UBAC2: variants seen among roughly 807,000 people sequenced by gnomAD.
UBAC2 encodes the protein UBA domain containing 2.
UBAC2 carries 26 observed loss-of-function variants against 44.0 expected under a neutral mutation model. The observed-to-expected ratio is 0.59, with a 90% CI of 0.43 to 0.82. The LOEUF (loss-of-function observed/expected upper bound fraction) is 0.82. Among genes scored for constraint, UBAC2 ranks in the 40% least tolerant of loss-of-function variants. The pLI is 0.00. For synonymous variants in UBAC2, 155 were observed against 154.3 expected, an observed-to-expected ratio of 1.00 and a Z score of -0.04; for missense variants, 329 against 419.4, an observed-to-expected ratio of 0.78 and a Z score of 1.88.
chr13:99,360,893 G>A (rs187487062), intron 7 of UBAC2, among the ~76,000 whole-genome samples: 29 of 152,224 alleles, frequency 1.9e-4, no homozygotes, highest in Non-Finnish European at 1.5e-5. Context: ...CGCTCTTCGG[G>A]AGCAAGGATG....
At chr13:99,310,886 A>G (rs1048745204) in intron 4 of UBAC2, among the ~76,000 whole-genome samples, 2 of 152,238 alleles carry the variant, frequency 1.3e-5, no homozygotes, top group Non-Finnish European at 2.9e-5. Context: ...CTCCAAGGGC[A>G]TGTTCTGTGG....
chr13:99,379,142 C>T (rs1002550371), intron 8 of UBAC2, among the ~76,000 whole-genome samples: 3 of 152,224 alleles, frequency 2.0e-5, no homozygotes, highest in Non-Finnish European at 4.4e-5. Context: ...GTAAGAAATT[C>T]GCTGCTTGAA....
In UBAC2 at chr13:99,340,574, GATA is replaced by G; in HGVS notation, c.807+15_807+17del. Reference sequence around the variant, plus strand: ...GACAGAGACAGCAGCAGGTAAAAGTGATAATAATCACTAAAAATTTAGAAATTC... The same window carrying G: ...GACAGAGACAGCAGCAGGTAAAAGTGATAATCACTAAAAATTTAGAAATTC... On this transcript the variant is annotated intron_variant, in intron 7 of 8. Coordinates refer to ENST00000403766, the MANE Select transcript of UBAC2 (RefSeq NM_001144072.2). The G allele has an allele frequency of 6.2e-7, 1 of 1,600,352 alleles. No individual in the cohort carries two copies. Among genetic ancestry groups the G allele is most frequent in the African/African-American group, 1.3e-5 (1 of 74,416 alleles).
intron 4 of UBAC2, among the ~76,000 whole-genome samples, chr13:99,247,873 C>CTTTTT (rs10630757): frequency 3.4e-5 from 5 of 148,822 alleles, no homozygotes; most frequent in East Asian, 2.0e-4. Context: ...CTCTCTCTCT[C>CTTTTT]TTTTTTTTTT....
chr13:99,369,500 C>G (rs988977110), intron 8 of UBAC2, among the ~76,000 whole-genome samples: 1 of 152,158 alleles, frequency 6.6e-6, no homozygotes, highest in Non-Finnish European at 1.5e-5. Context: ...TGATTTTGCC[C>G]AACTGTAGGG....
chr13:99,359,013 GGAA>G (rs1482640908), intron 7 of UBAC2, among the ~76,000 whole-genome samples: 1 of 152,122 alleles, frequency 6.6e-6, no homozygotes, highest in Non-Finnish European at 1.5e-5. Flanking sequence ...CCCAGAACAC[GGAA>G]GAAGGAGAGA....
intron 2 of UBAC2, among the ~76,000 whole-genome samples, chr13:99,241,264 CAAA>C (rs35336464): frequency 0.61 from 69,536 of 114,424 alleles, 19,113 homozygotes; most frequent in Non-Finnish European, 0.71. Flanking sequence ...GACCCTGTCT[CAAA>C]AAAAAAAAAA....
intron 7 of UBAC2, among the ~76,000 whole-genome samples, chr13:99,349,739 A>G (rs574567014): frequency 5.9e-5 from 9 of 152,166 alleles, no homozygotes; most frequent in Non-Finnish European, 1.0e-4. Flanking sequence ...TCTACTACGA[A>G]CTTCAAAGAG....
chr13:99,267,689 A>G (rs2043761989), intron 4 of UBAC2, among the ~76,000 whole-genome samples: 1 of 152,242 alleles, frequency 6.6e-6, no homozygotes, highest in African/African-American at 2.4e-5. Context: ...TGAAATTGAA[A>G]GAGTAACATT....
At chr13:99,265,233 T>C (rs1433178020) in intron 4 of UBAC2, among the ~76,000 whole-genome samples, 1 of 152,212 alleles carries the variant, frequency 6.6e-6, no homozygotes, top group Non-Finnish European at 1.5e-5. Flanking sequence ...CTAATACCAT[T>C]TGTATGGGTA....
At chr13:99,229,681 G>A (rs1480706598) in intron 1 of UBAC2, among the ~76,000 whole-genome samples, 1 of 152,202 alleles carries the variant, frequency 6.6e-6, no homozygotes, top group African/African-American at 2.4e-5. Flanking sequence ...ACCGGGCAAA[G>A]CTATTTTAAT....
chr13:99,378,848 T>C (rs1050555374), intron 8 of UBAC2, among the ~76,000 whole-genome samples: 1 of 152,256 alleles, frequency 6.6e-6, no homozygotes, highest in South Asian at 2.1e-4. Context: ...TTCAAGAAGG[T>C]ACTTTTATAT....
At chr13:99,275,516 T>C (rs1422092612) in intron 4 of UBAC2, among the ~76,000 whole-genome samples, 1 of 152,176 alleles carries the variant, frequency 6.6e-6, no homozygotes, top group African/African-American at 2.4e-5. Flanking sequence ...TATAACCTAT[T>C]TTAAATTTTT....
chr13:99,249,344 A>G (rs565167666), intron 4 of UBAC2, among the ~76,000 whole-genome samples: 1 of 152,326 alleles, frequency 6.6e-6, no homozygotes, highest in East Asian at 1.9e-4. Context: ...CTCCAGCTGC[A>G]TCCATGTTCC....
At chr13:99,377,886 A>G (rs897414017) in intron 8 of UBAC2, among the ~76,000 whole-genome samples, 6 of 152,170 alleles carry the variant, frequency 3.9e-5, no homozygotes, top group Non-Finnish European at 8.8e-5. Flanking sequence ...GGTCCCCTGC[A>G]TGTGGTCACA....
intron 4 of UBAC2, chr13:99,296,072 G>T (rs2044167277): frequency 1.9e-6 from 3 of 1,613,886 alleles, no homozygotes; most frequent in Non-Finnish European, 2.5e-6. Context: ...GCTGTGATGT[G>T]CATAGAGGTC....
rs536316271 is a variant in UBAC2 at position 99,336,115 on chromosome 13, C to T, written c.562-4205C>T. Among the ~76,000 whole-genome samples, 12 of 152,126 alleles carry T rather than the reference C, an allele frequency of 7.9e-5. No individual in the cohort carries two copies. In the South Asian group the frequency reaches 2.1e-3, roughly 26 times the overall value. On this transcript the variant is annotated intron_variant, in intron 6 of 8. Coordinates refer to ENST00000403766, the MANE Select transcript of UBAC2 (RefSeq NM_001144072.2). ...AGTCCTAAAAACAAGTGAGGATAAACATCTTTTCATGAGTTTGTCAGCCAT... is the reference window on the plus strand; with the variant it reads ...AGTCCTAAAAACAAGTGAGGATAAATATCTTTTCATGAGTTTGTCAGCCAT...
chr13:99,240,409 T>G (rs1347974697), intron 2 of UBAC2, among the ~76,000 whole-genome samples: 1 of 152,232 alleles, frequency 6.6e-6, no homozygotes, highest in African/African-American at 2.4e-5. Context: ...GAAATGCAGT[T>G]TGTTATATCT....
At chr13:99,372,927 G>T (rs1261235363) in intron 8 of UBAC2, among the ~76,000 whole-genome samples, 1 of 152,068 alleles carries the variant, frequency 6.6e-6, no homozygotes, top group Non-Finnish European at 1.5e-5. Flanking sequence ...ATCCCGGCTA[G>T]CATGGTGAAA....
Sources: allele counts gnomAD v4.1 joint callset (sites outside exome capture counted in the v4.1 genomes callset), GRCh38; gene constraint gnomAD v4.1.1; transcripts MANE v1.5; gene names NCBI Gene and HGNC (gene_info 2026-07-23, HGNC 2026-07-21).